Variants in CYP2B6 observed in about 807,000 individuals in gnomAD.
CYP2B6 encodes the protein cytochrome P450 family 2 subfamily B member 6, also known as cytochrome P450 2B6.
In CYP2B6, 35 loss-of-function variants were observed where a neutral mutation model predicts 43.4. The ratio of observed to expected loss-of-function variants is 0.81; its 90% confidence interval spans 0.62 to 1.07. The LOEUF (loss-of-function observed/expected upper bound fraction) is 1.07. CYP2B6 is among the 50% of genes least tolerant of loss of function. The pLI, the probability that CYP2B6 is intolerant of heterozygous loss-of-function variation, is 0.00. For missense variants in CYP2B6, 624 were observed against 632.8 expected (o/e 0.99, Z 0.15); for synonymous variants, 239 against 239.2 (o/e 1.00, Z 0.01).
intron 1 of CYP2B6, among the ~76,000 whole-genome samples, chr19:41,002,540 T>C (rs1165988255): frequency 6.6e-6 from 1 of 152,068 alleles, no homozygotes; most frequent in Non-Finnish European, 1.5e-5. Context: ...TATGAACTTC[T>C]TTTTTGTTTT....
rs147036163 is a variant in CYP2B6 at position 41,007,328 on chromosome 19, AC to A, written c.645+264del. Among the ~76,000 whole-genome samples the A allele has an allele frequency of 5.4e-3, 818 of 152,228 alleles. 10 individuals carry two copies. Among genetic ancestry groups the A allele is most frequent in the African/African-American group, 0.018 (757 of 41,500 alleles). ...ACTGAGAGAAGGAAGATGAGCAAAA[AC>A]AAGACAAAGAAGAGCAGAAATCAAG... is the stretch of plus-strand genomic sequence containing the variant. On this transcript the variant is annotated intron_variant, in intron 4 of 8. Coordinates refer to ENST00000324071, the MANE Select transcript of CYP2B6 (RefSeq NM_000767.5).
rs527690358 is a variant in CYP2B6, at chr19:41,018,165, T to C, written c.*1338T>C. On this transcript the variant is annotated 3_prime_UTR_variant, in exon 9 of 9. Transcript: ENST00000324071. ...TGTGTCTGGTTGCTTTCATGTTGAA[T>C]GCTATTTTTGAGGTTCATGCCTGTT... The C allele has an allele frequency of 5.9e-4, 90 of 152,360 alleles. No homozygotes were observed. The highest frequency in any genetic ancestry group is 1.9e-3 in the African/African-American group (79 of 41,562). 9.4% of individuals were successfully genotyped at this position (152,360 alleles called of 1,614,324 possible).
chr19:41,014,305 C>CTT (rs543485540), intron 8 of CYP2B6, among the ~76,000 whole-genome samples: 4 of 143,608 alleles, frequency 2.8e-5, no homozygotes, highest in African/African-American at 5.1e-5. Context: ...TCTGAAGTTT[C>CTT]TTTTTTTTTT....
At chr19:41,013,479 G>A (rs1397940933) in intron 8 of CYP2B6, among the ~76,000 whole-genome samples, 1 of 152,214 alleles carries the variant, frequency 6.6e-6, no homozygotes, top group Non-Finnish European at 1.5e-5. Context: ...ATTGCAAAGT[G>A]TGTTCCAGGC....
intron 3 of CYP2B6, 147 bp downstream of exon 3, chr19:41,004,593 G>C: frequency 1.1e-6 from 1 of 904,778 alleles, no homozygotes; most frequent in Non-Finnish European, 1.7e-6. Context: ...GATAGAGACA[G>C]AGAGGGAGAG....
intron 3 of CYP2B6, 75 bp downstream of exon 3, chr19:41,004,521 CAG>C: frequency 1.3e-6 from 2 of 1,541,660 alleles, no homozygotes; most frequent in South Asian, 1.2e-5. Context: ...AATAGAAAGA[CAG>C]AGAGGTATAT....
intron 1 of CYP2B6, among the ~76,000 whole-genome samples, chr19:40,993,989 C>A (rs1968962167): frequency 6.6e-6 from 1 of 152,028 alleles, no homozygotes; most frequent in Non-Finnish European, 1.5e-5. Flanking sequence ...CATCTGAACT[C>A]CTTGGAGGTT....
At chr19:40,996,415 C>T (rs755455065) in intron 1 of CYP2B6, among the ~76,000 whole-genome samples, 33 of 152,048 alleles carry the variant, frequency 2.2e-4, no homozygotes, top group Non-Finnish European at 4.1e-4. Context: ...CTTTTATCTA[C>T]GGTTATGGCA....
chr19:41,012,250 T>A (rs1346896376), intron 6 of CYP2B6, 48 bp from the exon 7 acceptor site: 1 of 1,594,736 alleles, frequency 6.3e-7, no homozygotes, highest in East Asian at 2.2e-5. Flanking sequence ...ATGCCTGGCC[T>A]GAAATGCCTC....
intron 5 of CYP2B6, 41 bp downstream of exon 5, chr19:41,009,436 G>A (rs748214396): frequency 8.2e-6 from 12 of 1,469,832 alleles, no homozygotes; most frequent in Non-Finnish European, 1.1e-5. Context: ...AGGGGAGGGA[G>A]GGCAAGATGG....
intron 1 of CYP2B6, among the ~76,000 whole-genome samples, chr19:40,996,095 T>TTTATTA (rs1168728029): frequency 2.0e-5 from 3 of 152,250 alleles, no homozygotes; most frequent in East Asian, 1.9e-4. Flanking sequence ...GTGCAGGAAC[T>TTTATTA]CACTGGGCCT....
chr19:40,999,462 T>C (rs1969048466), intron 1 of CYP2B6, among the ~76,000 whole-genome samples: 1 of 152,120 alleles, frequency 6.6e-6, no homozygotes, highest in African/African-American at 2.4e-5. Context: ...TTTGTTGCCA[T>C]TGGTTTTGGT....
At chr19:41,008,051 CTG>C (rs1015004417) in intron 4 of CYP2B6, among the ~76,000 whole-genome samples, 1 of 143,372 alleles carries the variant, frequency 7.0e-6, no homozygotes, top group Non-Finnish European at 1.5e-5. Context: ...CCTTCTCCCT[CTG>C]TGTTTTTTTT....
Position 41,012,771 on chromosome 19 carries a change from A to G in CYP2B6, c.1250A>G (p.Asn417Ser), listed in dbSNP as rs771398074. 24 of 1,614,032 alleles carry G rather than the reference A, an allele frequency of 1.5e-5. No individual in the cohort carries two copies. Among genetic ancestry groups the G allele is most frequent in the Non-Finnish European group, 1.8e-5 (21 of 1,180,030 alleles). The change falls in exon 8 of 9, where the codon AAT becomes AGT. Residue 417 changes from asparagine to serine, a missense_variant. Physicochemically the swap from Asn to Ser is conservative, Grantham distance 46. Transcript: ENST00000324071. ...AFNPDHFLDA[N>S]GALKKTEAFI... ...AATCCTGACCACTTTCTGGATGCCA[A>G]TGGGGCACTGAAAAAGACTGAAGCT...
Position 41,006,963 on chromosome 19 carries a change from C to T in CYP2B6, c.543C>T (p.Ser181=), listed in dbSNP as rs1387926174. Residue 181 remains serine, a synonymous_variant, in exon 4 of 9, where the codon TCC becomes TCT. Coordinates refer to ENST00000324071, the MANE Select transcript of CYP2B6 (RefSeq NM_000767.5). The part of the protein sequence containing the change: ...FQSITANIIC[S]IVFGKRFHYQ... The stretch of plus-strand genomic sequence containing the variant: ...CCATTACCGCCAACATCATCTGCTC[C>T]ATCGTCTTTGGAAAACGATTCCACT... The T allele has an allele frequency of 1.9e-6, 3 of 1,614,092 alleles. No homozygotes were observed. Among genetic ancestry groups the T allele is most frequent in the Non-Finnish European group, 2.5e-6 (3 of 1,180,030 alleles).
chr19:41,000,925 G>A (rs911359214), intron 1 of CYP2B6, among the ~76,000 whole-genome samples: 3 of 152,124 alleles, frequency 2.0e-5, no homozygotes, highest in Non-Finnish European at 4.4e-5. Flanking sequence ...TGTAATCCCA[G>A]CTACTCGGGA....
Position 41,016,755 on chromosome 19 carries a change from C to T in CYP2B6, c.1404C>T (p.Ile468=), listed in dbSNP as rs772114611. 6.0e-5 allele frequency: 97 copies of T among 1,614,090 alleles called. No individual in the cohort carries two copies. The South Asian group carries it at 8.6e-4, about 14-fold the overall frequency. ...SMASPVAPED[I]DLTPQECGVG... ...CCAGCCCCGTGGCCCCAGAAGACAT[C>T]GATCTGACACCCCAGGAGTGTGGTG... Residue 468 remains isoleucine, a synonymous_variant, in exon 9 of 9, where the codon ATC becomes ATT. Coordinates refer to ENST00000324071, the MANE Select transcript of CYP2B6 (RefSeq NM_000767.5).
chr19:41,010,555 A>G (rs1277122787), intron 6 of CYP2B6, among the ~76,000 whole-genome samples: 2 of 151,654 alleles, frequency 1.3e-5, no homozygotes, highest in African/African-American at 4.8e-5. Context: ...CTGGAACTAC[A>G]GGCGCCTGCC....
intron 8 of CYP2B6, 156 bp downstream of exon 8, chr19:41,012,971 A>C (rs1252572642): frequency 1.1e-6 from 1 of 881,554 alleles, no homozygotes; most frequent in Admixed American, 2.0e-5. Context: ...CAACCCTATA[A>C]GGAGGCTTGA....
Sources: gnomAD v4.1 joint callset for allele counts (sites outside exome capture counted in the v4.1 genomes callset) on GRCh38, gnomAD v4.1.1 for gene constraint, MANE v1.5 for transcripts, NCBI Gene and HGNC (gene_info 2026-07-23, HGNC 2026-07-21) for gene names.